Variants in ROBO1 observed in about 807,000 individuals in gnomAD.
The protein encoded by ROBO1 is roundabout guidance receptor 1.
In ROBO1, 149 loss-of-function variants were observed where a neutral mutation model predicts 195.9. The observed-to-expected ratio is 0.76, with a 90% CI of 0.67 to 0.87. ROBO1 has a LOEUF of 0.87. Ranked by LOEUF, ROBO1 falls within the 40% of genes least tolerant of loss-of-function variation. ROBO1 has a pLI of 0.00. For synonymous variants in ROBO1, 816 were observed against 733.2 expected (o/e 1.11, Z -1.82); for missense variants, 1,933 against 2,068.3 (o/e 0.93, Z 1.27).
chr3:79,595,086 G>A (rs1349922352), intron 1 of ROBO1, among the ~76,000 whole-genome samples: 2 of 151,716 alleles, frequency 1.3e-5, no homozygotes, highest in African/African-American at 4.8e-5. Flanking sequence ...AAACTAATAT[G>A]TTCTATACAT....
chr3:79,552,710 G>A (rs1241862165), intron 2 of ROBO1, among the ~76,000 whole-genome samples: 1 of 152,052 alleles, frequency 6.6e-6, no homozygotes, highest in African/African-American at 2.4e-5. Context: ...CAGATAGATG[G>A]CAGTTTATAT....
At chr3:78,721,455 G>C (rs946058670) in intron 5 of ROBO1, among the ~76,000 whole-genome samples, 12 of 152,154 alleles carry the variant, frequency 7.9e-5, no homozygotes, top group Non-Finnish European at 1.3e-4. Flanking sequence ...AGCACGCCGA[G>C]CCTCTTCTTA....
intron 2 of ROBO1, among the ~76,000 whole-genome samples, chr3:79,551,029 T>G (rs1199874022): frequency 1.3e-5 from 2 of 152,090 alleles, no homozygotes; most frequent in Non-Finnish European, 2.9e-5. Flanking sequence ...TCTATGCCCT[T>G]CCAACATGGT....
At chr3:79,019,393 C>G in intron 3 of ROBO1, 2 of 986,024 alleles carry the variant, frequency 2.0e-6, no homozygotes, top group East Asian at 1.1e-4. Context: ...GCGGCTCACC[C>G]CAGCTCCTCC....
intron 2 of ROBO1, among the ~76,000 whole-genome samples, chr3:79,575,789 T>C (rs1943466721): frequency 6.6e-6 from 1 of 151,504 alleles, no homozygotes; most frequent in East Asian, 1.9e-4. Flanking sequence ...CTAAACAATC[T>C]CGTAATAATT....
At chr3:79,118,413 T>A (rs1307071592) in intron 3 of ROBO1, among the ~76,000 whole-genome samples, 1 of 151,810 alleles carries the variant, frequency 6.6e-6, no homozygotes, top group African/African-American at 2.4e-5. Context: ...TCTTTAAATT[T>A]CCCTAAAATT....
chr3:79,230,126 C>T (rs1359906188), intron 2 of ROBO1, among the ~76,000 whole-genome samples: 3 of 152,106 alleles, frequency 2.0e-5, no homozygotes, highest in Non-Finnish European at 2.9e-5. Context: ...CAATCCTCTG[C>T]ACCTTCAATC....
intron 3 of ROBO1, among the ~76,000 whole-genome samples, chr3:78,967,767 A>G (rs1393273908): frequency 6.6e-6 from 1 of 152,218 alleles, no homozygotes; most frequent in Non-Finnish European, 1.5e-5. Flanking sequence ...TTTCAACATT[A>G]TATACAGCAA....
intron 2 of ROBO1, among the ~76,000 whole-genome samples, chr3:79,470,470 T>C (rs973934829): frequency 2.0e-5 from 3 of 152,082 alleles, no homozygotes; most frequent in Non-Finnish European, 4.4e-5. Flanking sequence ...AATGACGAGT[T>C]AATGGGTGCA....
chr3:79,755,837 C>A (rs7618469), intron 1 of ROBO1, among the ~76,000 whole-genome samples: 5,610 of 152,266 alleles, frequency 0.037, 356 homozygotes, highest in African/African-American at 0.13. Context: ...ATTTTTGTCA[C>A]TGGAGTAATC....
chr3:79,307,704 G>A (rs1255300974), intron 2 of ROBO1, among the ~76,000 whole-genome samples: 1 of 152,066 alleles, frequency 6.6e-6, no homozygotes, highest in Non-Finnish European at 1.5e-5. Context: ...ATGGTAATAT[G>A]TCAAGTAGAT....
intron 4 of ROBO1, among the ~76,000 whole-genome samples, chr3:78,853,093 T>A (rs2034174910): frequency 6.6e-6 from 1 of 152,156 alleles, no homozygotes; most frequent in Non-Finnish European, 1.5e-5. Flanking sequence ...GATGTTCAAG[T>A]GGAAATGATA....
chr3:78,736,639 T>G (rs374557929), intron 5 of ROBO1, among the ~76,000 whole-genome samples: 1 of 152,180 alleles, frequency 6.6e-6, no homozygotes, highest in African/African-American at 2.4e-5. Context: ...ATATGAATAG[T>G]GAAAAGACAG....
chr3:79,215,792 T>G (rs1007876771), intron 2 of ROBO1, among the ~76,000 whole-genome samples: 1 of 152,240 alleles, frequency 6.6e-6, no homozygotes, highest in Admixed American at 6.5e-5. Context: ...GGGGGCTCAA[T>G]TTGCATTAAC....
chr3:79,088,027 C>T (rs543940117), intron 3 of ROBO1, among the ~76,000 whole-genome samples: 1 of 152,196 alleles, frequency 6.6e-6, no homozygotes, highest in African/African-American at 2.4e-5. Context: ...TTCTTTCTGT[C>T]GCCTTCTGTC....
intron 4 of ROBO1, among the ~76,000 whole-genome samples, chr3:78,837,543 T>G (rs1295448764): frequency 1.3e-5 from 2 of 152,148 alleles, no homozygotes; most frequent in Non-Finnish European, 2.9e-5. Context: ...AAATTATTTT[T>G]TGTTATTCTA....
In ROBO1 at chr3:78,843,598, G is replaced by A. The variant is rs190467189; in HGVS notation, c.499+95003C>T. On this transcript the variant is annotated intron_variant, in intron 4 of 30. Coordinates refer to ENST00000464233, the MANE Select transcript of ROBO1 (RefSeq NM_002941.4). ...AGCTGAAGGTTTCGGAGTATGTCTC[G>A]GAGAAAGTTTCCTTCAATAATAATA... Among the ~76,000 whole-genome samples the A allele has an allele frequency of 3.4e-4, 51 of 151,942 alleles. 1 individual carries two copies. The South Asian group carries it at 5.0e-3, about 15-fold the overall frequency.
At chr3:79,730,214 A>G (rs1252182876) in intron 1 of ROBO1, among the ~76,000 whole-genome samples, 4 of 152,234 alleles carry the variant, frequency 2.6e-5, no homozygotes, top group Non-Finnish European at 5.9e-5. Flanking sequence ...TCTAGGATAT[A>G]TACAAACACA....
intron 4 of ROBO1, among the ~76,000 whole-genome samples, chr3:78,935,689 T>C (rs544739308): frequency 6.6e-6 from 1 of 152,170 alleles, no homozygotes; most frequent in Non-Finnish European, 1.5e-5. Flanking sequence ...AGTGAGTTTT[T>C]ATGTCTTAAA....
Sources: allele counts gnomAD v4.1 joint callset (sites outside exome capture counted in the v4.1 genomes callset), GRCh38; gene constraint gnomAD v4.1.1; transcripts MANE v1.5; gene names NCBI Gene and HGNC (gene_info 2026-07-23, HGNC 2026-07-21).